Variants in ATP2B4 observed in about 807,000 individuals in gnomAD.
ATP2B4 encodes the protein ATPase plasma membrane Ca2+ transporting 4.
In ATP2B4, 39 loss-of-function variants were observed where a neutral mutation model predicts 110.3. The ratio of observed to expected loss-of-function variants is 0.35; its 90% CI spans 0.27 to 0.46. The LOEUF is 0.46. Ranked by LOEUF, ATP2B4 falls within the 20% of genes least tolerant of loss-of-function variation. The pLI is 1.00. For missense variants in ATP2B4, 1,135 were observed against 1,530.9 expected (o/e 0.74, Z 4.32); for synonymous variants, 538 against 571.7 (o/e 0.94, Z 0.84).
intron 1 of ATP2B4, among the ~76,000 whole-genome samples, chr1:203,675,719 G>A (rs939451015): frequency 6.6e-6 from 1 of 152,126 alleles, no homozygotes; most frequent in Non-Finnish European, 1.5e-5. Context: ...AGTAAGTGAG[G>A]GAGGCCCGTG....
chr1:203,715,835 T>C (rs1666144653), intron 15 of ATP2B4, among the ~76,000 whole-genome samples: 1 of 144,408 alleles, frequency 6.9e-6, no homozygotes, highest in South Asian at 2.4e-4. Context: ...TTAAGTCTCT[T>C]AACCTATCTC....
chr1:203,630,365 CTCTCTT>C (rs66747133), intron 1 of ATP2B4, among the ~76,000 whole-genome samples: 53,959 of 92,512 alleles, frequency 0.58, 14,889 homozygotes, highest in Middle Eastern at 0.68. Flanking sequence ...CTCTCTCTCT[CTCTCTT>C]TTTTTTTTTT....
intron 7 of ATP2B4, among the ~76,000 whole-genome samples, chr1:203,702,320 G>C (rs1665719053): frequency 6.6e-6 from 1 of 152,156 alleles, no homozygotes; most frequent in South Asian, 2.1e-4. Flanking sequence ...GTCAAGGTTT[G>C]TCTTGGGGAG....
intron 1 of ATP2B4, among the ~76,000 whole-genome samples, chr1:203,672,324 CTTTTTTTTTTTTTTTTT>C (rs57144862): frequency 2.5e-5 from 2 of 79,626 alleles, no homozygotes; most frequent in East Asian, 1.2e-3. Flanking sequence ...TGCGGTGGCT[CTTTTTTTTTTTTTTTTT>C]TTTTTTTTTT....
Position 203,707,889 on chromosome 1 carries a change from C to T in ATP2B4, c.1342C>T (p.Arg448Trp), listed in dbSNP as rs767040893. ...KKMMKDNNLV[R>W]HLDACETMGN... ...AATGATGAAAGACAATAACCTAGTA[C>T]GGCACTTGGATGCTTGTGAGACCAT... The change falls in exon 10 of 21, where the codon CGG becomes TGG. Residue 448 changes from arginine (R) to tryptophan (W), a missense_variant. Physicochemically the swap from Arg to Trp is moderately radical, Grantham distance 101. This residue lies in a region of ATP2B4 where 368 missense variants were observed against 455.9 expected (regional missense o/e 0.81). Transcript: ENST00000357681. 14 of 1,614,048 alleles carry T rather than the reference C, an allele frequency of 8.7e-6. No individual in the cohort carries two copies. The highest frequency in any genetic ancestry group is 2.2e-5 in the East Asian group (1 of 44,888).
At chr1:203,640,264 C>A (rs1366010698) in intron 1 of ATP2B4, among the ~76,000 whole-genome samples, 1 of 152,180 alleles carries the variant, frequency 6.6e-6, no homozygotes, top group Non-Finnish European at 1.5e-5. Context: ...TGTGTGTTCC[C>A]ACTCCTGCTC....
At chr1:203,723,420 ATCTCTCTCTCTC>A (rs34964110) in intron 18 of ATP2B4, among the ~76,000 whole-genome samples, 3 of 44,538 alleles carry the variant, frequency 6.7e-5, no homozygotes, top group African/African-American at 9.5e-5. Context: ...TGAGACAGAT[ATCTCTCTCTCTC>A]TCTCTCTCTC....
intron 1 of ATP2B4, among the ~76,000 whole-genome samples, chr1:203,646,234 G>C (rs143651763): frequency 3.0e-5 from 1 of 33,148 alleles, no homozygotes; most frequent in East Asian, 1.4e-3. Flanking sequence ...TTCAAAAAAA[G>C]AAAGTAAGGC....
At position 203,704,600 on chromosome 1, in the gene ATP2B4, C is replaced by T. The variant is rs147827995; in HGVS notation, c.1099+787C>T. On this transcript the variant is annotated intron_variant, in intron 8 of 20. Transcript: ENST00000357681. ...GGTTCAAGCGACTTTCCTGCCTCAG[C>T]CACCCAAGTAGCAGGGACTACAGGT... Among the ~76,000 whole-genome samples the T allele has an allele frequency of 4.1e-3, 622 of 150,754 alleles. 3 individuals carry two copies. Among genetic ancestry groups the T allele is most frequent in the African/African-American group, 0.014 (578 of 41,016 alleles).
intron 1 of ATP2B4, among the ~76,000 whole-genome samples, chr1:203,677,179 T>C (rs1197326759): frequency 2.0e-5 from 3 of 152,116 alleles, no homozygotes; most frequent in Non-Finnish European, 4.4e-5. Flanking sequence ...AAACAGTGTA[T>C]GTAAGAATGA....
intron 2 of ATP2B4, among the ~76,000 whole-genome samples, chr1:203,686,381 C>T (rs1558033657): frequency 6.6e-6 from 1 of 152,182 alleles, no homozygotes; most frequent in Non-Finnish European, 1.5e-5. Flanking sequence ...CTCCAATTTT[C>T]CAGATCCCTT....
chr1:203,671,235 A>G (rs1429351844), intron 1 of ATP2B4, among the ~76,000 whole-genome samples: 7 of 152,194 alleles, frequency 4.6e-5, no homozygotes, highest in Admixed American at 6.5e-5. Flanking sequence ...TCACGCTTTC[A>G]GCTCAGTTGT....
intron 19 of ATP2B4, among the ~76,000 whole-genome samples, chr1:203,724,865 CTGTTTT>C (rs1378154451): frequency 2.0e-5 from 2 of 101,454 alleles, no homozygotes; most frequent in South Asian, 3.5e-4. Context: ...ATCCAGCTCT[CTGTTTT>C]TTTTTTTTTT....
At chr1:203,721,176 A>G (rs778648564) in intron 16 of ATP2B4, 21 bp from the exon 17 acceptor site, 2 of 1,612,682 alleles carry the variant, frequency 1.2e-6, no homozygotes, top group Non-Finnish European at 1.7e-6. Flanking sequence ...AGCTAAAAGG[A>G]CTGGTTCTTC....
rs190732940 is a variant in ATP2B4, at chr1:203,727,900, C to A, written c.3309+329C>A. On this transcript the variant is annotated intron_variant, in intron 20 of 20. Transcript: ENST00000357681. ...CTCTTGCAAGCACTAGACCTGACCC[C>A]AGGGTGGGAAATGCTCAGTTTTTCC... 8.1e-6 allele frequency: 3 copies of A among 371,602 alleles called. No homozygotes were observed. The East Asian group carries it at 1.9e-4, about 24-fold the overall frequency. The allele number at this position is 371,602 out of a possible 1,614,324, so 23.0% of individuals were successfully genotyped here.
intron 1 of ATP2B4, among the ~76,000 whole-genome samples, chr1:203,680,330 G>T (rs1478767494): frequency 2.0e-5 from 3 of 152,096 alleles, no homozygotes; most frequent in Non-Finnish European, 4.4e-5. Context: ...AAATTAGGCG[G>T]CTGGGCGCGG....
chr1:203,702,125 C>A (rs752841976), intron 7 of ATP2B4, 46 bp downstream of exon 7: 4 of 1,604,222 alleles, frequency 2.5e-6, no homozygotes, highest in Non-Finnish European at 3.4e-6. Flanking sequence ...TGCCCACACT[C>A]AAACCAGACC....
intron 20 of ATP2B4, among the ~76,000 whole-genome samples, chr1:203,732,794 G>A (rs1366064334): frequency 3.4e-5 from 5 of 148,244 alleles, no homozygotes; most frequent in East Asian, 2.0e-4. Flanking sequence ...CAGCCTGGGC[G>A]ACAGATTGAG....
At position 203,722,667 on chromosome 1, in the gene ATP2B4, T is replaced by C; in HGVS notation, c.3002T>C (p.Val1001Ala). 2.5e-6 allele frequency: 4 copies of C among 1,614,196 alleles called. No homozygotes were observed. Among genetic ancestry groups the C allele is most frequent in the Non-Finnish European group, 2.5e-6 (3 of 1,180,016 alleles). ...IYRNIIFCSV[V>A]LGTFICQIFI... Reference sequence around the variant, plus strand: ...CGCAACATTATCTTCTGCTCTGTAGTCTTGGGCACATTCATCTGCCAGGTG... The same window carrying C: ...CGCAACATTATCTTCTGCTCTGTAGCCTTGGGCACATTCATCTGCCAGGTG... The change falls in exon 18 of 21, where the codon GTC (valine) becomes GCC (alanine). Residue 1001 changes from valine to alanine, a missense_variant. This residue lies in a region of ATP2B4 where 155 missense variants were observed against 186.2 expected (regional missense o/e 0.83). Transcript: ENST00000357681.
Sources: gnomAD v4.1 joint callset for allele counts (sites outside exome capture counted in the v4.1 genomes callset) on GRCh38, gnomAD v4.1.1 for gene constraint, gnomAD v4.1.1 regional missense constraint, MANE v1.5 for transcripts, NCBI Gene and HGNC (gene_info 2026-07-23, HGNC 2026-07-21) for gene names.